CPB1: variants seen among roughly 807,000 people sequenced by gnomAD.
CPB1 encodes carboxypeptidase B.
Under a neutral mutation model 51.4 loss-of-function variants are expected in CPB1, and 53 were observed. The observed-to-expected ratio is 1.03, with a 90% CI of 0.83 to 1.30. CPB1 has a LOEUF of 1.30. Among genes scored for constraint, CPB1 ranks in the 50% most tolerant of loss-of-function variants. The probability of loss-of-function intolerance (pLI) is 0.00; values close to 1 mark genes in which losing one functional copy is unlikely to be tolerated. For synonymous variants in CPB1, 189 were observed against 186.9 expected (o/e 1.01, Z -0.09); for missense variants, 494 against 516.2 (o/e 0.96, Z 0.42).
At chr3:148,855,705 T>C (rs1165073241) in intron 9 of CPB1, 1 of 152,228 alleles carries the variant, frequency 6.6e-6, no homozygotes, top group Middle Eastern at 3.2e-3. Context: ...GAATCATATT[T>C]CTACTAACTA....
At chr3:148,827,962 C>T (rs1251389178) in intron 1 of CPB1, 40 bp from the exon 2 acceptor site, 1 of 1,611,724 alleles carries the variant, frequency 6.2e-7, no homozygotes, top group Non-Finnish European at 8.5e-7. Flanking sequence ...ACACATTACT[C>T]ATTTCCAATT....
intron 6 of CPB1, among the ~76,000 whole-genome samples, chr3:148,843,377 A>G (rs780476192): frequency 2.6e-5 from 4 of 151,948 alleles, no homozygotes; most frequent in Admixed American, 6.6e-5. Context: ...ATATAATAAT[A>G]TTATTATATA....
At chr3:148,851,874 A>T (rs1713441312) in intron 9 of CPB1, 1 of 152,216 alleles carries the variant, frequency 6.6e-6, no homozygotes, top group Admixed American at 6.5e-5. Context: ...CCTGTGTCAC[A>T]GTGGGCCCTG....
rs377335327 is a variant in CPB1, at chr3:148,847,922, C to A, written c.981+2296C>A. On this transcript the variant is annotated intron_variant, in intron 9 of 10. Transcript: ENST00000282957. The stretch of plus-strand genomic sequence containing the variant: ...GTTATTTTTAATTTCCAATAATTTT[C>A]TCTATTGATTAAGCTTTTCTCTAGT... Among the ~76,000 whole-genome samples, 5 of 152,158 alleles carry A rather than the reference C, an allele frequency of 3.3e-5. No homozygotes were observed. In the East Asian group the frequency reaches 5.8e-4, roughly 18 times the overall value.
rs1712844490 is a variant in CPB1 at position 148,834,731 on chromosome 3, C to T, written c.272+109C>T. 1.3e-5 allele frequency: 13 copies of T among 997,324 alleles called. No individual in the cohort carries two copies. In the South Asian group the frequency reaches 2.0e-4, roughly 15 times the overall value. The allele number at this position is 997,324 out of a possible 1,614,324, so 61.8% of individuals were successfully genotyped here. A position where few individuals can be genotyped will look rare whatever the true frequency, so the allele number is the denominator to read the frequency against. On this transcript the variant is annotated intron_variant, in intron 3 of 10. Coordinates refer to ENST00000282957, the MANE Select transcript of CPB1 (RefSeq NM_001871.3). ...ATGAGACCAAGACCAATGCCTTCCC[C>T]AGGACCCCACAAATAGGTAATGGCA...
At chr3:148,844,638 C>T in intron 7 of CPB1, 39 bp from the exon 8 acceptor site, 3 of 1,612,104 alleles carry the variant, frequency 1.9e-6, no homozygotes, top group Middle Eastern at 1.7e-4. Flanking sequence ...ACCAACGCCT[C>T]TCTATTATAT....
At chr3:148,853,177 A>C (rs1713480878) in intron 9 of CPB1, among the ~76,000 whole-genome samples, 2 of 152,192 alleles carry the variant, frequency 1.3e-5, no homozygotes, top group Non-Finnish European at 2.9e-5. Context: ...GTTCTACAGA[A>C]AATTTTCTTT....
rs1326750214 is a variant in CPB1 at position 148,846,779 on chromosome 3, A to ATG, written c.981+1154_981+1155insGT. Among the ~76,000 whole-genome samples the ATG allele has an allele frequency of 3.7e-3, 232 of 62,140 alleles. 7 individuals carry two copies. The highest frequency in any genetic ancestry group is 0.013 in the African/African-American group (198 of 15,774). 40.8% of individuals were successfully genotyped at this position (62,140 alleles called of 152,430 possible). On this transcript the variant is annotated intron_variant, in intron 9 of 10. Transcript: ENST00000282957. The stretch of plus-strand genomic sequence containing the variant: ...TACATATATATATATATACACATAT[A>ATG]TATGTGTGTGTGCGTGTGTATATAT...
chr3:148,846,064 G>A (rs1423079684), intron 9 of CPB1, among the ~76,000 whole-genome samples: 1 of 152,022 alleles, frequency 6.6e-6, no homozygotes, highest in Non-Finnish European at 1.5e-5. Flanking sequence ...TGTCACATTT[G>A]GGTGATATCA....
At chr3:148,831,941 G>C (rs1712750585) in intron 2 of CPB1, among the ~76,000 whole-genome samples, 2 of 152,070 alleles carry the variant, frequency 1.3e-5, no homozygotes, top group African/African-American at 4.8e-5. Context: ...CTATAGCATT[G>C]CTCCTGATTT....
chr3:148,855,016 G>C (rs536035424), intron 9 of CPB1: 1 of 152,458 alleles, frequency 6.6e-6, no homozygotes, highest in African/African-American at 2.4e-5. Context: ...AAGCAGGAAA[G>C]GGTGTACAGG....
intron 9 of CPB1, chr3:148,850,914 T>G (rs1223737116): frequency 6.6e-6 from 1 of 152,204 alleles, no homozygotes; most frequent in African/African-American, 2.4e-5. Context: ...GACAAAAATT[T>G]TAAATGACAA....
chr3:148,851,208 C>T (rs1329806835), intron 9 of CPB1: 1 of 152,094 alleles, frequency 6.6e-6, no homozygotes. Context: ...GTGGCACACG[C>T]CTGTAGTCCC....
At position 148,860,086 on chromosome 3, in the gene CPB1, G is replaced by A; in HGVS notation, c.*84G>A. 7.5e-7 allele frequency: 1 copy of A among 1,340,028 alleles called. No homozygotes were observed. Among genetic ancestry groups the A allele is most frequent in the Non-Finnish European group, 1.0e-6 (1 of 964,450 alleles). The allele number at this position is 1,340,028 out of a possible 1,614,324, so 83.0% of individuals were successfully genotyped here. The stretch of plus-strand genomic sequence containing the variant: ...AATTCTTATTTTGGTTTGCCTGGAT[G>A]TTTTGCAGATCCCAATCTTTCTTTT... On this transcript the variant is annotated 3_prime_UTR_variant, in exon 11 of 11. Coordinates refer to ENST00000282957, the MANE Select transcript of CPB1 (RefSeq NM_001871.3).
chr3:148,844,296 T>C (rs1356316993), intron 6 of CPB1, among the ~76,000 whole-genome samples, 182 bp from the exon 7 acceptor site: 2 of 152,176 alleles, frequency 1.3e-5, no homozygotes, highest in Non-Finnish European at 2.9e-5. Context: ...AAATAACAAT[T>C]ATAAATAAAA....
intron 10 of CPB1, among the ~76,000 whole-genome samples, chr3:148,858,786 C>T (rs1230414514): frequency 6.6e-6 from 1 of 152,072 alleles, no homozygotes; most frequent in African/African-American, 2.4e-5. Context: ...CCACAGGCCT[C>T]ATTTTCAATT....
intron 9 of CPB1, among the ~76,000 whole-genome samples, chr3:148,847,372 T>TAAAAAAAAAAAAAAAAAAAAA: frequency 1.2e-5 from 1 of 86,718 alleles, no homozygotes; most frequent in Non-Finnish European, 2.1e-5. Flanking sequence ...AAATCATTCT[T>TAAAAAAAAAAAAAAAAAAAAA]AAAAAAAAAA....
At chr3:148,856,193 C>A (rs1252710460) in intron 9 of CPB1, 2 of 152,110 alleles carry the variant, frequency 1.3e-5, no homozygotes, top group Non-Finnish European at 2.9e-5. Context: ...AAGTACCGAC[C>A]CAAAACTCTG....
At chr3:148,850,565 G>T (rs558943711) in intron 9 of CPB1, among the ~76,000 whole-genome samples, 1 of 152,198 alleles carries the variant, frequency 6.6e-6, no homozygotes, top group Non-Finnish European at 1.5e-5. Context: ...GCCTCCCGAA[G>T]TGCTGGGAGC....
Sources: allele counts gnomAD v4.1 joint callset (sites outside exome capture counted in the v4.1 genomes callset), GRCh38; gene constraint gnomAD v4.1.1; transcripts MANE v1.5; gene names NCBI Gene and HGNC (gene_info 2026-07-23, HGNC 2026-07-21).